The following STK38 variants were observed in gnomAD, a reference collection of about 807,000 sequenced individuals.
STK38 encodes the protein serine/threonine kinase 38.
In STK38, 26 loss-of-function variants were observed where a neutral mutation model predicts 59.0. That is an observed-to-expected ratio of 0.44 (90% CI 0.32 to 0.61). The LOEUF is 0.61. Among genes scored for constraint, STK38 ranks in the 20% least tolerant of loss-of-function variants. STK38 has a pLI of 0.04. For synonymous variants in STK38, 175 were observed against 176.6 expected (o/e 0.99, Z 0.07); for missense variants, 433 against 566.0 (o/e 0.76, Z 2.38).
Position 36,496,729 on chromosome 6 carries a change from C to G in STK38, c.1249G>C (p.Asp417His). Residue 417 changes from aspartate to histidine, a missense_variant, in exon 13 of 14, where the codon GAT becomes CAT. Coordinates refer to ENST00000229812, the MANE Select transcript of STK38 (RefSeq NM_007271.4). Reference sequence around the variant, plus strand: ...GTGTTACCTGTTGGCTTAAGAATATCAGATTCTGGAAACTCATCGAAGTTT... The same window carrying G: ...GTGTTACCTGTTGGCTTAAGAATATGAGATTCTGGAAACTCATCGAAGTTT... ...TSNFDEFPES[D>H]ILKPTVATSN... The G allele has an allele frequency of 6.2e-7, 1 of 1,613,186 alleles. No individual in the cohort carries two copies. The highest frequency in any genetic ancestry group is 8.5e-7 in the Non-Finnish European group (1 of 1,179,520).
chr6:36,532,034 T>C (rs995027477), intron 2 of STK38, among the ~76,000 whole-genome samples: 4 of 152,174 alleles, frequency 2.6e-5, no homozygotes, highest in African/African-American at 9.7e-5. Flanking sequence ...ACTAGCCCAA[T>C]ACTTATTATT....
intron 7 of STK38, among the ~76,000 whole-genome samples, chr6:36,508,497 T>C (rs1454056379): frequency 5.9e-5 from 9 of 152,236 alleles, no homozygotes; most frequent in Admixed American, 5.9e-4. Flanking sequence ...TCTTATAACA[T>C]TGGAATAAAT....
At chr6:36,511,821 G>A (rs1446311812) in intron 7 of STK38, among the ~76,000 whole-genome samples, 2 of 152,106 alleles carry the variant, frequency 1.3e-5, no homozygotes, top group African/African-American at 4.8e-5. Context: ...CACTTTGGGA[G>A]GCCGAGGCAG....
At chr6:36,510,516 G>A (rs562742302) in intron 7 of STK38, among the ~76,000 whole-genome samples, 3 of 152,270 alleles carry the variant, frequency 2.0e-5, no homozygotes, top group Middle Eastern at 3.4e-3. Context: ...CAGGGCTCCC[G>A]CTTGTTCCCA....
intron 5 of STK38, among the ~76,000 whole-genome samples, chr6:36,520,693 A>C (rs1427666363): frequency 2.6e-5 from 4 of 152,190 alleles, no homozygotes; most frequent in African/African-American, 7.2e-5. Context: ...GCGTTAGCAT[A>C]AACTATAGTG....
chr6:36,528,001 C>T (rs145855729), intron 2 of STK38, among the ~76,000 whole-genome samples: 3,836 of 150,734 alleles, frequency 0.025, 165 homozygotes, highest in African/African-American at 0.088. Flanking sequence ...CCCAGCTACT[C>T]GGGAGGCTGA....
At chr6:36,504,932 A>AAAGG (rs1561974710) in intron 9 of STK38, among the ~76,000 whole-genome samples, 5 of 147,170 alleles carry the variant, frequency 3.4e-5, no homozygotes, top group Admixed American at 6.8e-5. Flanking sequence ...AGAAAGAAAG[A>AAAGG]AAAGAAAGGA....
intron 9 of STK38, among the ~76,000 whole-genome samples, chr6:36,504,771 C>T (rs558055533): frequency 6.6e-6 from 1 of 151,854 alleles, no homozygotes; most frequent in African/African-American, 2.4e-5. Context: ...CTAATCATGA[C>T]ATGACCCTTG....
chr6:36,517,403 T>C (rs929562884), intron 6 of STK38, among the ~76,000 whole-genome samples: 9 of 152,214 alleles, frequency 5.9e-5, no homozygotes, highest in African/African-American at 2.2e-4. Context: ...ATTGATCATA[T>C]ATGATTCCCA....
intron 2 of STK38, among the ~76,000 whole-genome samples, chr6:36,534,337 T>C (rs138754195): frequency 1.3e-5 from 2 of 152,120 alleles, no homozygotes; most frequent in Non-Finnish European, 2.9e-5. Context: ...ATGATAAAAA[T>C]TCTTAGCTCC....
intron 9 of STK38, among the ~76,000 whole-genome samples, chr6:36,506,346 A>C (rs777026108): frequency 7.2e-5 from 11 of 152,180 alleles, no homozygotes; most frequent in Non-Finnish European, 1.3e-4. Context: ...TACCAAGCTA[A>C]AAGGTCAGAA....
intron 7 of STK38, among the ~76,000 whole-genome samples, chr6:36,511,705 G>A (rs1405903755): frequency 6.6e-6 from 1 of 151,830 alleles, no homozygotes; most frequent in Non-Finnish European, 1.5e-5. Flanking sequence ...ACAAGCCAAG[G>A]AAGTTTATAG....
chr6:36,515,550 ACACAC>A (rs1463463014), intron 6 of STK38, 58 bp from the exon 7 acceptor site: 12 of 1,596,704 alleles, frequency 7.5e-6, no homozygotes, highest in Admixed American at 5.2e-5. Context: ...ACACACACAC[ACACAC>A]AACATACGAG....
At chr6:36,529,965 G>A (rs1467547029) in intron 2 of STK38, among the ~76,000 whole-genome samples, 1 of 152,172 alleles carries the variant, frequency 6.6e-6, no homozygotes, top group Non-Finnish European at 1.5e-5. Flanking sequence ...ATAGGGCCAG[G>A]CATGGTGGCT....
intron 7 of STK38, among the ~76,000 whole-genome samples, chr6:36,510,326 G>A (rs946794851): frequency 1.4e-4 from 21 of 152,220 alleles, no homozygotes; most frequent in African/African-American, 2.7e-4. Context: ...CCAAGTGTGC[G>A]CACACCTGAC....
Position 36,524,326 on chromosome 6 carries a change from A to T in STK38, c.306+15T>A, listed in dbSNP as rs1463885018. 1.3e-6 allele frequency: 2 copies of T among 1,595,220 alleles called. No individual in the cohort carries two copies. Among genetic ancestry groups the T allele is most frequent in the South Asian group, 2.3e-5 (2 of 86,844 alleles). On this transcript the variant is annotated intron_variant, in intron 4 of 13. Coordinates refer to ENST00000229812, the MANE Select transcript of STK38 (RefSeq NM_007271.4). ...TGCAATATTTTTCTACTTGACAAGTAGCTGTGATTTTTACCTCACCAAATG... is the reference window on the plus strand; with the variant it reads ...TGCAATATTTTTCTACTTGACAAGTTGCTGTGATTTTTACCTCACCAAATG...
At chr6:36,542,940 G>A (rs531094686) in intron 1 of STK38, among the ~76,000 whole-genome samples, 4 of 151,916 alleles carry the variant, frequency 2.6e-5, no homozygotes, top group East Asian at 1.9e-4. Context: ...GCAAGATTCC[G>A]TCTCAAAAAA....
At chr6:36,527,132 C>T (rs1428641881) in intron 2 of STK38, among the ~76,000 whole-genome samples, 2 of 139,560 alleles carry the variant, frequency 1.4e-5, no homozygotes, top group African/African-American at 5.5e-5. Context: ...GCAGAGGTTG[C>T]AGTGAGTCAA....
Position 36,494,210 on chromosome 6 carries a change from C to CT in STK38, c.*1573dup, listed in dbSNP as rs1363343508. Reference sequence around the variant, plus strand: ...CACTTCCCTAACCTTTTTTCTTCCTCTAAGAGGTTAAAATCCAAAGTAGTT... The same window carrying CT: ...CACTTCCCTAACCTTTTTTCTTCCTCTTAAGAGGTTAAAATCCAAAGTAGTT... On this transcript the variant is annotated 3_prime_UTR_variant, in exon 14 of 14. Coordinates refer to ENST00000229812, the MANE Select transcript of STK38 (RefSeq NM_007271.4). The CT allele has an allele frequency of 2.0e-5, 3 of 152,572 alleles. No homozygotes were observed. Among genetic ancestry groups the CT allele is most frequent in the African/African-American group, 7.2e-5 (3 of 41,462 alleles). 9.5% of individuals were successfully genotyped at this position (152,572 alleles called of 1,614,324 possible). A position where few individuals can be genotyped will look rare whatever the true frequency, so the allele number is the denominator to read the frequency against.
Sources: gnomAD v4.1 joint callset for allele counts (sites outside exome capture counted in the v4.1 genomes callset) on GRCh38, gnomAD v4.1.1 for gene constraint, MANE v1.5 for transcripts, NCBI Gene and HGNC (gene_info 2026-07-23, HGNC 2026-07-21) for gene names.